Variants in AKAP6 observed in about 807,000 individuals in gnomAD.
AKAP6 encodes the protein A-kinase anchor protein 6.
Under a neutral mutation model 188.5 loss-of-function variants are expected in AKAP6, and 58 were observed. That is an observed-to-expected ratio of 0.31 (90% CI 0.25 to 0.38). The LOEUF (loss-of-function observed/expected upper bound fraction) is 0.38. AKAP6 is among the 10% of genes least tolerant of loss of function. The pLI is 1.00. For missense variants in AKAP6, 2,710 were observed against 2,740.0 expected (o/e 0.99, Z 0.24); for synonymous variants, 989 against 998.6 (o/e 0.99, Z 0.18).
intron 2 of AKAP6, among the ~76,000 whole-genome samples, chr14:32,488,369 G>A (rs1879815790): frequency 6.6e-6 from 1 of 152,112 alleles, no homozygotes; most frequent in South Asian, 2.1e-4. Flanking sequence ...AATGGTGGAC[G>A]CCCCTACCCC....
chr14:32,409,628 C>CAG (rs2138643051), intron 1 of AKAP6, among the ~76,000 whole-genome samples: 1 of 152,240 alleles, frequency 6.6e-6, no homozygotes, highest in Non-Finnish European at 1.5e-5. Flanking sequence ...GTGTGGTTCT[C>CAG]ATTAAAAAGT....
At chr14:32,452,424 T>C (rs937551875) in intron 2 of AKAP6, among the ~76,000 whole-genome samples, 23 of 152,252 alleles carry the variant, frequency 1.5e-4, no homozygotes, top group African/African-American at 4.6e-4. Flanking sequence ...ATATATAGGT[T>C]GCTTCTGTTT....
intron 12 of AKAP6, among the ~76,000 whole-genome samples, chr14:32,793,744 T>TA (rs1246739457): frequency 6.7e-6 from 1 of 148,986 alleles, no homozygotes; most frequent in Non-Finnish European, 1.5e-5. Context: ...CATCAACGAT[T>TA]AAAAAAGACA....
At chr14:32,650,756 G>A (rs1345718185) in intron 7 of AKAP6, among the ~76,000 whole-genome samples, 1 of 152,102 alleles carries the variant, frequency 6.6e-6, no homozygotes, top group African/African-American at 2.4e-5. Context: ...AATGAAAGCG[G>A]CATTGTTCAC....
intron 1 of AKAP6, among the ~76,000 whole-genome samples, chr14:32,344,593 T>G (rs1887003658): frequency 6.6e-6 from 1 of 152,112 alleles, no homozygotes; most frequent in Non-Finnish European, 1.5e-5. Flanking sequence ...GGGTGACCAC[T>G]GTGTTAAGCA....
At chr14:32,723,320 G>A (rs902174144) in intron 9 of AKAP6, among the ~76,000 whole-genome samples, 1 of 152,024 alleles carries the variant, frequency 6.6e-6, no homozygotes, top group Non-Finnish European at 1.5e-5. Context: ...GAAATGGGGT[G>A]GTTATTAACT....
At chr14:32,818,676 A>G (rs766676069) in intron 12 of AKAP6, among the ~76,000 whole-genome samples, 20 of 152,158 alleles carry the variant, frequency 1.3e-4, no homozygotes, top group Non-Finnish European at 2.8e-4. Context: ...CTTAGGCTTG[A>G]ATTCGTAAAG....
In AKAP6 at chr14:32,782,888, G is replaced by A. The variant is rs182184580; in HGVS notation, c.3588+8995G>A. Among the ~76,000 whole-genome samples, 78 of 147,870 alleles carry A rather than the reference G, an allele frequency of 5.3e-4. 1 individual carries two copies. Among genetic ancestry groups the A allele is most frequent in the Middle Eastern group, 7.2e-3 (2 of 276 alleles). ...AAAATCTCTGTGATTTTTTTTTTTC[G>A]TAAAAATTTGTAAGCTGATTCTAAA... On this transcript the variant is annotated intron_variant, in intron 12 of 13. Transcript: ENST00000280979.
intron 5 of AKAP6, among the ~76,000 whole-genome samples, chr14:32,597,739 C>G (rs1289409116): frequency 6.6e-6 from 1 of 152,108 alleles, no homozygotes; most frequent in Non-Finnish European, 1.5e-5. Context: ...TCTTATGCCT[C>G]TAGTCAGATG....
At chr14:32,575,944 T>C (rs958132430) in intron 4 of AKAP6, among the ~76,000 whole-genome samples, 8 of 152,072 alleles carry the variant, frequency 5.3e-5, no homozygotes, top group Admixed American at 1.3e-4. Flanking sequence ...GTGTTATTTG[T>C]TTTTTTACTT....
At chr14:32,522,951 A>T (rs1195321990) in intron 2 of AKAP6, among the ~76,000 whole-genome samples, 6 of 152,222 alleles carry the variant, frequency 3.9e-5, no homozygotes, top group Admixed American at 2.6e-4. Context: ...GATAGACTAG[A>T]TTAAGAAAAT....
chr14:32,769,071 G>C (rs1272673793), intron 11 of AKAP6, among the ~76,000 whole-genome samples: 1 of 12,300 alleles, frequency 8.1e-5, no homozygotes, highest in Non-Finnish European at 3.1e-4. Flanking sequence ...TTTTGAGACA[G>C]AGTGTCACTC....
At chr14:32,759,420 T>C (rs983206371) in intron 11 of AKAP6, among the ~76,000 whole-genome samples, 5 of 152,036 alleles carry the variant, frequency 3.3e-5, no homozygotes, top group African/African-American at 1.2e-4. Context: ...TTGGGAGAAA[T>C]GACTTTTAGG....
chr14:32,419,847 A>G (rs371403567), intron 1 of AKAP6, among the ~76,000 whole-genome samples: 7 of 152,228 alleles, frequency 4.6e-5, no homozygotes, highest in African/African-American at 1.4e-4. Context: ...ATATCAACCA[A>G]GTTGTACCCC....
intron 7 of AKAP6, among the ~76,000 whole-genome samples, chr14:32,658,873 C>T (rs899425491): frequency 6.6e-6 from 1 of 151,416 alleles, no homozygotes; most frequent in Non-Finnish European, 1.5e-5. Flanking sequence ...ACCACTTCTT[C>T]CATTAAGTAT....
At chr14:32,445,734 C>G (rs1890733641) in intron 2 of AKAP6, among the ~76,000 whole-genome samples, 1 of 152,098 alleles carries the variant, frequency 6.6e-6, no homozygotes, top group Non-Finnish European at 1.5e-5. Flanking sequence ...ACACAGCATT[C>G]AATTTGAGAT....
At chr14:32,798,901 G>A (rs2223905) in intron 12 of AKAP6, among the ~76,000 whole-genome samples, 34,403 of 151,914 alleles carry the variant, frequency 0.23, 4,629 homozygotes, top group Non-Finnish European at 0.3. Context: ...AATAATACCT[G>A]CTTCATAGGT....
At chr14:32,628,863 A>T (rs1316737241) in intron 7 of AKAP6, among the ~76,000 whole-genome samples, 1 of 152,160 alleles carries the variant, frequency 6.6e-6, no homozygotes, top group African/African-American at 2.4e-5. Context: ...AAGTCAGAAT[A>T]AAATGAACAC....
At chr14:32,367,886 A>C (rs1340036512) in intron 1 of AKAP6, among the ~76,000 whole-genome samples, 1 of 152,174 alleles carries the variant, frequency 6.6e-6, no homozygotes, top group South Asian at 2.1e-4. Context: ...CATCTCCACC[A>C]ACTCACAGTT....
Sources: gnomAD v4.1 joint callset for allele counts (sites outside exome capture counted in the v4.1 genomes callset) on GRCh38, gnomAD v4.1.1 for gene constraint, MANE v1.5 for transcripts, NCBI Gene and HGNC (gene_info 2026-07-23, HGNC 2026-07-21) for gene names.